Variants in GPALPP1 observed in about 807,000 individuals in gnomAD.
The protein encoded by GPALPP1 is GPALPP motifs-containing protein 1.
GPALPP1 carries 30 observed loss-of-function variants against 38.9 expected under a neutral mutation model. The observed-to-expected ratio is 0.77, with a 90% CI of 0.58 to 1.05. The LOEUF is 1.05. Among genes scored for constraint, GPALPP1 ranks in the 50% least tolerant of loss-of-function variants. The pLI is 0.00. For synonymous variants in GPALPP1, 120 were observed against 139.2 expected, an observed-to-expected ratio of 0.86 and a Z score of 0.97; for missense variants, 384 against 408.8, an observed-to-expected ratio of 0.94 and a Z score of 0.52.
At chr13:45,013,791 G>A (rs1267467787) in intron 4 of GPALPP1, among the ~76,000 whole-genome samples, 1 of 152,086 alleles carries the variant, frequency 6.6e-6, no homozygotes, top group Non-Finnish European at 1.5e-5. Flanking sequence ...TGGCAAATGA[G>A]GCCTTCAACA....
At chr13:45,009,066 T>C in intron 4 of GPALPP1, 187 bp downstream of exon 4, 1 of 673,772 alleles carries the variant, frequency 1.5e-6, no homozygotes, top group Admixed American at 2.1e-5. Context: ...AAAAAGCTGT[T>C]CACAAACCTG....
Position 45,008,869 on chromosome 13 carries a change from C to A in GPALPP1, c.398C>A (p.Pro133Gln), listed in dbSNP as rs780381420. Residue 133 changes from proline to glutamine, a missense_variant, in exon 4 of 8, where the codon CCA (proline) becomes CAA (glutamine). Transcript: ENST00000379151. ...TQKSDKGRDD[P>Q]GQQETDSSED... The stretch of plus-strand genomic sequence containing the variant: ...AAAAGTGACAAGGGCAGAGATGATC[C>A]AGGACAACAGGTATCATCATCCCAT... The A allele has an allele frequency of 6.4e-7, 1 of 1,562,386 alleles. No individual in the cohort carries two copies. Among genetic ancestry groups the A allele is most frequent in the Non-Finnish European group, 8.8e-7 (1 of 1,133,104 alleles).
At chr13:45,011,338 C>G (rs1277705008) in intron 4 of GPALPP1, among the ~76,000 whole-genome samples, 2 of 152,126 alleles carry the variant, frequency 1.3e-5, no homozygotes, top group African/African-American at 4.8e-5. Context: ...AGGATTAAAT[C>G]AGAATAGTAG....
intron 7 of GPALPP1, among the ~76,000 whole-genome samples, chr13:45,024,733 C>A (rs1186471657): frequency 1.3e-5 from 2 of 151,842 alleles, no homozygotes; most frequent in African/African-American, 2.4e-5. Context: ...TCAAGACCAG[C>A]CTGGCCAACA....
chr13:45,027,668 T>G, intron 7 of GPALPP1, 117 bp from the exon 8 acceptor site: 1 of 542,928 alleles, frequency 1.8e-6, no homozygotes, highest in Non-Finnish European at 3.3e-6. Flanking sequence ...CTACTGGGGT[T>G]TGTAAATAGC....
At chr13:45,024,407 C>G (rs897137556) in intron 7 of GPALPP1, among the ~76,000 whole-genome samples, 1 of 151,740 alleles carries the variant, frequency 6.6e-6, no homozygotes, top group African/African-American at 2.4e-5. Context: ...TTAAGTGATT[C>G]TCCTACCTCA....
At chr13:45,022,805 C>T (rs988643260) in intron 7 of GPALPP1, among the ~76,000 whole-genome samples, 22 of 152,194 alleles carry the variant, frequency 1.4e-4, no homozygotes, top group Non-Finnish European at 2.5e-4. Context: ...GAGACTGAGA[C>T]GGGAGGATCT....
intron 5 of GPALPP1, 48 bp downstream of exon 5, chr13:45,015,131 C>G: frequency 8.1e-7 from 1 of 1,232,102 alleles, no homozygotes; most frequent in Non-Finnish European, 1.1e-6. Flanking sequence ...GATTAAAAAT[C>G]TAAATTTTAG....
intron 7 of GPALPP1, among the ~76,000 whole-genome samples, chr13:45,022,437 TA>T (rs897480976): frequency 2.0e-5 from 3 of 151,950 alleles, no homozygotes; most frequent in African/African-American, 4.8e-5. Context: ...AATATATATA[TA>T]AAAAAACAAA....
At chr13:44,996,803 T>TTTTTTTTTTTTA (rs1873319068) in intron 1 of GPALPP1, among the ~76,000 whole-genome samples, 1 of 146,438 alleles carries the variant, frequency 6.8e-6, no homozygotes, top group East Asian at 2.0e-4. Context: ...TTTTTTTTTT[T>TTTTTTTTTTTTA]TTTTTTCCAG....
rs188641677 is a variant in GPALPP1, at chr13:45,026,766, G to T, written c.805-1019G>T. ...GACACTACACTCTTAGGAGAAATGT[G>T]TTTCAGACACAGAAGGACACAGAAC... On this transcript the variant is annotated intron_variant, in intron 7 of 7. Coordinates refer to ENST00000379151, the MANE Select transcript of GPALPP1 (RefSeq NM_018559.5). 2.0e-5 allele frequency among the ~76,000 whole-genome samples: 3 copies of T among 152,274 alleles called. No homozygotes were observed. The East Asian group carries it at 5.8e-4, about 29-fold the overall frequency.
At chr13:45,034,439 G>A (rs932928232), downstream of GPALPP1, 3 of 152,206 alleles carry the variant, frequency 2.0e-5, no homozygotes, top group Non-Finnish European at 4.4e-5. Flanking sequence ...TCTAGTTAGA[G>A]TGATAAGAAG....
intron 1 of GPALPP1, chr13:44,990,018 C>G (rs1016201881): frequency 1.9e-6 from 1 of 540,170 alleles, no homozygotes; most frequent in Non-Finnish European, 3.3e-6. Flanking sequence ...TGACTGATAC[C>G]CACTCAGTCA....
At chr13:45,007,234 CT>C (rs1046388088) in intron 3 of GPALPP1, among the ~76,000 whole-genome samples, 4 of 152,006 alleles carry the variant, frequency 2.6e-5, no homozygotes, top group African/African-American at 9.7e-5. Context: ...TTGCTGACCC[CT>C]AGGATGTAAC....
rs758310569 is a variant in GPALPP1 at position 45,008,757 on chromosome 13, A to G, written c.324-38A>G. The G allele has an allele frequency of 4.7e-6, 5 of 1,053,414 alleles. No individual in the cohort carries two copies. In the Admixed American group the frequency reaches 9.6e-5, roughly 20 times the overall value. 65.3% of individuals were successfully genotyped at this position (1,053,414 alleles called of 1,614,324 possible). The stretch of plus-strand genomic sequence containing the variant: ...TTTTATTCTTATAACTGCTTTTTAA[A>G]GTCAGGGAGAATGATAAAAGTACAT... On this transcript the variant is annotated intron_variant, in intron 3 of 7. Transcript: ENST00000379151.
At position 45,028,945 on chromosome 13, in the gene GPALPP1, C is replaced by T. The variant is rs1485072201; in HGVS notation, c.*942C>T. On this transcript the variant is annotated 3_prime_UTR_variant, in exon 8 of 8. Coordinates refer to ENST00000379151, the MANE Select transcript of GPALPP1 (RefSeq NM_018559.5). ...TGGTGGCACGTGCCTGTAATCTCAGCTACTTGGGAGCCTGAGGCAGGAGAA... is the reference window on the plus strand; with the variant it reads ...TGGTGGCACGTGCCTGTAATCTCAGTTACTTGGGAGCCTGAGGCAGGAGAA... 6.6e-6 allele frequency: 1 copy of T among 152,052 alleles called. No individual in the cohort carries two copies. Among genetic ancestry groups the T allele is most frequent in the Non-Finnish European group, 1.5e-5 (1 of 68,084 alleles). The allele number at this position is 152,052 out of a possible 1,614,324, so 9.4% of individuals were successfully genotyped here.
chr13:44,998,648 C>A (rs1290650507), intron 1 of GPALPP1, among the ~76,000 whole-genome samples: 1 of 152,210 alleles, frequency 6.6e-6, no homozygotes. Flanking sequence ...CCAGCTAACT[C>A]AGGTCCCACC....
chr13:45,006,201 G>A lies in GPALPP1; in HGVS notation c.222-1G>A, dbSNP rs1874088130. 6.3e-7 allele frequency: 1 copy of A among 1,590,566 alleles called. No individual in the cohort carries two copies. ...ATAAAGTTATACTACTATGTTTTCA[G>A]AAAACAGAGGAAAAATCAGGATGAT... On this transcript the variant is annotated splice_acceptor_variant, in intron 2 of 7. Transcript: ENST00000379151. LOFTEE classifies it high-confidence loss of function.
rs1279168886 is a variant in GPALPP1, at chr13:45,014,903, T to C, written c.409-49T>C. 3 of 1,399,412 alleles carry C rather than the reference T, an allele frequency of 2.1e-6. No homozygotes were observed. In the African/African-American group the frequency reaches 4.4e-5, roughly 21 times the overall value. 86.7% of individuals were successfully genotyped at this position (1,399,412 alleles called of 1,614,324 possible). ...GCAGGTAATTTAGAATTATTTTTTATAACCTGTAGCTCTGCTCTTGGTTTA... is the reference window on the plus strand; with the variant it reads ...GCAGGTAATTTAGAATTATTTTTTACAACCTGTAGCTCTGCTCTTGGTTTA... On this transcript the variant is annotated intron_variant, in intron 4 of 7. Coordinates refer to ENST00000379151, the MANE Select transcript of GPALPP1 (RefSeq NM_018559.5).
Sources: gnomAD v4.1 joint callset for allele counts (sites outside exome capture counted in the v4.1 genomes callset) on GRCh38, gnomAD v4.1.1 for gene constraint, MANE v1.5 for transcripts, NCBI Gene and HGNC (gene_info 2026-07-23, HGNC 2026-07-21) for gene names.